Variants in TMEM25 observed in about 807,000 individuals in gnomAD.
The protein encoded by TMEM25 is transmembrane protein 25, also known as 0610039J01Rik.
Under a neutral mutation model 37.0 loss-of-function variants are expected in TMEM25, and 36 were observed. The ratio of observed to expected loss-of-function variants is 0.97; its 90% confidence interval spans 0.75 to 1.28. The LOEUF (loss-of-function observed/expected upper bound fraction) is 1.28. Ranked by LOEUF, TMEM25 falls within the 50% of genes most tolerant of loss-of-function variation. TMEM25 has a pLI of 0.00. For synonymous variants in TMEM25, 197 were observed against 203.7 expected, an observed-to-expected ratio of 0.97 and a Z score of 0.28; for missense variants, 444 against 477.9, an observed-to-expected ratio of 0.93 and a Z score of 0.66.
rs945855635 is a variant in TMEM25, at chr11:118,534,209, G to C, written c.938-57G>C. ...GAAAAAGAACTTGGTGCTTGGGAGG[G>C]GCGAGGCCTCATCAGGCACACTCCT... is the stretch of plus-strand genomic sequence containing the variant. On this transcript the variant is annotated intron_variant, in intron 7 of 8. Transcript: ENST00000313236. This position sits in a 1 kb window ranked among gnomAD's most constrained non-coding sequence, Gnocchi z 4.6. 1 of 1,613,366 alleles carries C rather than the reference G, an allele frequency of 6.2e-7. No individual in the cohort carries two copies. The highest frequency in any genetic ancestry group is 8.5e-7 in the Non-Finnish European group (1 of 1,179,386).
chr11:118,537,624 A>AT (rs75802917), downstream of TMEM25, among the ~76,000 whole-genome samples: 24,589 of 152,132 alleles, frequency 0.16, 2,457 homozygotes, highest in East Asian at 0.49. Context: ...GATTCTGGAT[A>AT]TTTGCTATTG....
At chr11:118,538,460 C>G (rs559973691), downstream of TMEM25, among the ~76,000 whole-genome samples, 1 of 152,142 alleles carries the variant, frequency 6.6e-6, no homozygotes, top group Non-Finnish European at 1.5e-5. Flanking sequence ...AGCCACTGCG[C>G]CAGGCTTTGT....
chr11:118,543,131 T>A (rs183366818), intron 8 of TMEM25, among the ~76,000 whole-genome samples: 3 of 152,212 alleles, frequency 2.0e-5, no homozygotes, highest in Non-Finnish European at 2.9e-5. Context: ...TAATCCCAGC[T>A]ACTCGGGAGG....
chr11:118,533,929 G>A (rs192529346), intron 6 of TMEM25, 42 bp downstream of exon 6: 270 of 1,614,140 alleles, frequency 1.7e-4, no homozygotes, highest in Admixed American at 3.3e-4. Flanking sequence ...TAACCGAAAT[G>A]CAGGATGGGG....
intron 8 of TMEM25, among the ~76,000 whole-genome samples, chr11:118,541,694 G>A (rs1951581349): frequency 1.3e-5 from 2 of 152,074 alleles, no homozygotes; most frequent in Admixed American, 6.6e-5. Context: ...AACCACTCTA[G>A]TGGTCCACAG....
In TMEM25 at chr11:118,535,200, T is replaced by C; in HGVS notation, c.*620T>C. 2 of 1,082,528 alleles carry C rather than the reference T, an allele frequency of 1.8e-6. No individual in the cohort carries two copies. The highest frequency in any genetic ancestry group is 2.2e-6 in the Non-Finnish European group (2 of 892,512). The allele number at this position is 1,082,528 out of a possible 1,614,324, so 67.1% of individuals were successfully genotyped here. A position where few individuals can be genotyped will look rare whatever the true frequency, so the allele number is the denominator to read the frequency against. ...CTTCTCTTCTGTCCCCACCTCCTCTTGGGAATTCTAGGTTACACGTTGGAC... is the reference window on the plus strand; with the variant it reads ...CTTCTCTTCTGTCCCCACCTCCTCTCGGGAATTCTAGGTTACACGTTGGAC... On this transcript the variant is annotated 3_prime_UTR_variant, in exon 9 of 9. Coordinates refer to ENST00000313236, the MANE Select transcript of TMEM25 (RefSeq NM_032780.4).
chr11:118,534,969 G>A lies in TMEM25; in HGVS notation c.*389G>A, dbSNP rs1565336410. On this transcript the variant is annotated 3_prime_UTR_variant, in exon 9 of 9. Transcript: ENST00000313236. This position sits in a 1 kb window ranked among gnomAD's most constrained non-coding sequence, Gnocchi z 4.6. Reference sequence around the variant, plus strand: ...ACAGCACCTTGTACAGTAGGCATGGGGGCGTGCCTGTGTGGGGGACAGGGA... The same window carrying A: ...ACAGCACCTTGTACAGTAGGCATGGAGGCGTGCCTGTGTGGGGGACAGGGA... 1 of 1,062,368 alleles carries A rather than the reference G, an allele frequency of 9.4e-7. No individual in the cohort carries two copies. The highest frequency in any genetic ancestry group is 7.7e-5 in the East Asian group (1 of 12,908). The allele number at this position is 1,062,368 out of a possible 1,614,324, so 65.8% of individuals were successfully genotyped here.
In TMEM25 at chr11:118,533,855, A is replaced by C. The variant is rs1555061293; in HGVS notation, c.806-2A>C. 6.2e-7 allele frequency: 1 copy of C among 1,614,020 alleles called. No individual in the cohort carries two copies. The highest frequency in any genetic ancestry group is 1.1e-5 in the South Asian group (1 of 91,066). ...TTAGGGACATGGTTTCTTTCTCCAC[A>C]GGCCCCTCCCGGCACCCATCTCTGA... On this transcript the variant is annotated splice_acceptor_variant, in intron 5 of 8. Transcript: ENST00000313236. LOFTEE classifies it high-confidence loss of function.
At chr11:118,537,567 C>T (rs1951527057), downstream of TMEM25, among the ~76,000 whole-genome samples, 1 of 152,202 alleles carries the variant, frequency 6.6e-6, no homozygotes, top group South Asian at 2.1e-4. Context: ...CATTTTCCTT[C>T]ACCCACATTT....
chr11:118,534,776 T>A lies in TMEM25; in HGVS notation c.*196T>A. On this transcript the variant is annotated 3_prime_UTR_variant, in exon 9 of 9. Transcript: ENST00000313236. The surrounding 1 kb of genome is among the most constrained non-coding windows in gnomAD (Gnocchi z 4.6). ...GCTGTAACCCGCAGGGGCACAGGTA[T>A]CTTTGGCAAGGCTACCAGTTGGACG... 2 of 1,415,726 alleles carry A rather than the reference T, an allele frequency of 1.4e-6. No individual in the cohort carries two copies. The highest frequency in any genetic ancestry group is 5.2e-5 in the East Asian group (2 of 38,366). 87.7% of individuals were successfully genotyped at this position (1,415,726 alleles called of 1,614,324 possible). A position where few individuals can be genotyped will look rare whatever the true frequency, so the allele number is the denominator to read the frequency against.
At chr11:118,532,059 C>A in intron 2 of TMEM25, 91 bp from the exon 3 acceptor site, 1 of 1,425,456 alleles carries the variant, frequency 7.0e-7, no homozygotes, top group Non-Finnish European at 9.3e-7. Context: ...TTTCCTTTGG[C>A]CTGCTGCTCT....
chr11:118,543,345 T>A (rs1447374006), intron 8 of TMEM25, among the ~76,000 whole-genome samples: 2 of 151,088 alleles, frequency 1.3e-5, no homozygotes, highest in Non-Finnish European at 3.0e-5. Context: ...ATCGATTTTG[T>A]TTTGTTTTGT....
intron 8 of TMEM25, chr11:118,545,566 C>T (rs2135462214): frequency 7.6e-7 from 1 of 1,319,988 alleles, no homozygotes; most frequent in Non-Finnish European, 1.1e-6. Flanking sequence ...CTGTCTAGCA[C>T]AGGCAAAGCC....
In TMEM25 at chr11:118,535,415, G is replaced by A; in HGVS notation, c.*835G>A. On this transcript the variant is annotated 3_prime_UTR_variant, in exon 9 of 9. Coordinates refer to ENST00000313236, the MANE Select transcript of TMEM25 (RefSeq NM_032780.4). ...CCCTAGGGGAGGGGGTGAGTGAGGG[G>A]CCCAGAGCCCTCTTTGTGGCTTCCC... 1 of 1,457,646 alleles carries A rather than the reference G, an allele frequency of 6.9e-7. No homozygotes were observed. Among genetic ancestry groups the A allele is most frequent in the Non-Finnish European group, 9.0e-7 (1 of 1,105,510 alleles). 90.3% of individuals were successfully genotyped at this position (1,457,646 alleles called of 1,614,324 possible).
rs1565335190 is a variant in TMEM25 at position 118,534,253 on chromosome 11, CTT to C, written c.938-11_938-10del. ...CACTCCTCGTCCTGAACACTGCCCT[CTT>C]TGTCAACCAGCAGTGAAACCAGCAG... On this transcript the variant is annotated splice_polypyrimidine_tract_variant and intron_variant, in intron 7 of 8. Transcript: ENST00000313236. This position sits in a 1 kb window ranked among gnomAD's most constrained non-coding sequence, Gnocchi z 4.6. The C allele has an allele frequency of 1.9e-6, 3 of 1,614,234 alleles. No individual in the cohort carries two copies. The highest frequency in any genetic ancestry group is 2.5e-6 in the Non-Finnish European group (3 of 1,180,038).
At position 118,546,328 on chromosome 11, in the gene TMEM25, T is replaced by C. The variant is rs782045006; in HGVS notation, c.*181T>C. The C allele has an allele frequency of 2.2e-5, 13 of 587,710 alleles. No homozygotes were observed. In the East Asian group the frequency reaches 2.3e-4, roughly 10 times the overall value. The allele number at this position is 587,710 out of a possible 1,614,324, so 36.4% of individuals were successfully genotyped here. A position where few individuals can be genotyped will look rare whatever the true frequency, so the allele number is the denominator to read the frequency against. The stretch of plus-strand genomic sequence containing the variant: ...GCCTGGGCAACATGGTGAAATTCCA[T>C]CTCTACAAAAAAATTAGCCGGGTGT... On this transcript the variant is annotated 3_prime_UTR_variant, in exon 9 of 9. Transcript: ENST00000354284.
downstream of TMEM25, among the ~76,000 whole-genome samples, chr11:118,537,409 G>A (rs1236685180): frequency 6.6e-6 from 1 of 152,060 alleles, no homozygotes; most frequent in Non-Finnish European, 1.5e-5. Flanking sequence ...TGTATAATGT[G>A]TAGTAATCAG....
rs1951485186 is a variant in TMEM25 at position 118,535,410 on chromosome 11, G to A, written c.*830G>A. Reference sequence around the variant, plus strand: ...ACATCCCCTAGGGGAGGGGGTGAGTGAGGGGCCCAGAGCCCTCTTTGTGGC... The same window carrying A: ...ACATCCCCTAGGGGAGGGGGTGAGTAAGGGGCCCAGAGCCCTCTTTGTGGC... On this transcript the variant is annotated 3_prime_UTR_variant, in exon 9 of 9. Coordinates refer to ENST00000313236, the MANE Select transcript of TMEM25 (RefSeq NM_032780.4). The A allele has an allele frequency of 3.5e-6, 5 of 1,439,552 alleles. No individual in the cohort carries two copies. The highest frequency in any genetic ancestry group is 2.7e-5 in the Admixed American group (1 of 37,728). 89.2% of individuals were successfully genotyped at this position (1,439,552 alleles called of 1,614,324 possible).
downstream of TMEM25, among the ~76,000 whole-genome samples, chr11:118,539,499 G>A (rs1475401292): frequency 3.3e-5 from 5 of 152,060 alleles, no homozygotes; most frequent in Non-Finnish European, 5.9e-5. Flanking sequence ...CCAATGTCCA[G>A]GAGAGTTTTC....
Sources: allele counts gnomAD v4.1 joint callset (sites outside exome capture counted in the v4.1 genomes callset), GRCh38; gene constraint gnomAD v4.1.1; non-coding constraint Gnocchi (gnomAD v3.1); transcripts MANE v1.5; gene names NCBI Gene and HGNC (gene_info 2026-07-23, HGNC 2026-07-21).